DSCAML1: variants seen among roughly 807,000 people sequenced by gnomAD.
The protein encoded by DSCAML1 is DS cell adhesion molecule like 1, also known as cell adhesion molecule DSCAML1.
DSCAML1 carries 38 observed loss-of-function variants against 200.5 expected under a neutral mutation model. The ratio of observed to expected loss-of-function variants is 0.19; its 90% CI spans 0.15 to 0.25. The LOEUF is 0.25. Among genes scored for constraint, DSCAML1 ranks in the 10% least tolerant of loss-of-function variants. The probability of loss-of-function intolerance (pLI) is 1.00; values close to 1 mark genes in which losing one functional copy is unlikely to be tolerated. For missense variants in DSCAML1, 2,223 were observed against 2,858.8 expected (o/e 0.78, Z 5.07); for synonymous variants, 1,215 against 1,165.0 (o/e 1.04, Z -0.87).
chr11:117,439,963 C>T (rs1371647635), intron 21 of DSCAML1, 27 bp from the exon 22 acceptor site: 1 of 1,584,884 alleles, frequency 6.3e-7, no homozygotes, highest in Non-Finnish European at 8.7e-7. Context: ...ATGAGGGCCA[C>T]TCCACTTCTA....
At chr11:117,779,199 G>C (rs1160379271) in intron 2 of DSCAML1, among the ~76,000 whole-genome samples, 4 of 152,120 alleles carry the variant, frequency 2.6e-5, no homozygotes, top group Non-Finnish European at 5.9e-5. Flanking sequence ...AGTGGGCTGG[G>C]TCTTTAAGTT....
rs1335563739 is a variant in DSCAML1 at position 117,432,507 on chromosome 11, G to A, written c.5027-3C>T. On this transcript the variant is annotated splice_region_variant and splice_polypyrimidine_tract_variant and intron_variant, in intron 29 of 32. Coordinates refer to ENST00000651296, the MANE Select transcript of DSCAML1 (RefSeq NM_020693.4). ...AGGGATGGTGGCCTTGTCATCTCCT[G>A]GGGAAAGAAGGACAATTACTGGGAG... The A allele has an allele frequency of 2.5e-6, 4 of 1,612,610 alleles. No individual in the cohort carries two copies. Among genetic ancestry groups the A allele is most frequent in the Non-Finnish European group, 2.5e-6 (3 of 1,179,606 alleles).
At chr11:117,585,642 G>A (rs1023652884) in intron 3 of DSCAML1, among the ~76,000 whole-genome samples, 11 of 152,296 alleles carry the variant, frequency 7.2e-5, no homozygotes, top group Middle Eastern at 3.4e-3. Context: ...ATGCCATCAG[G>A]ACGATGGGGG....
chr11:117,474,130 A>C (rs1442487448), intron 14 of DSCAML1, among the ~76,000 whole-genome samples: 1 of 152,170 alleles, frequency 6.6e-6, no homozygotes, highest in African/African-American at 2.4e-5. Context: ...AGCGTTGGGC[A>C]ATTTAAATGC....
intron 3 of DSCAML1, among the ~76,000 whole-genome samples, chr11:117,767,915 C>T (rs1006243294): frequency 6.6e-6 from 1 of 152,096 alleles, no homozygotes; most frequent in African/African-American, 2.4e-5. Flanking sequence ...AGGTGCCTGC[C>T]GCGGGACCCT....
At chr11:117,749,483 A>C (rs1297788463) in intron 3 of DSCAML1, among the ~76,000 whole-genome samples, 1 of 152,200 alleles carries the variant, frequency 6.6e-6, no homozygotes, top group Admixed American at 6.5e-5. Flanking sequence ...GTCTGTTAGC[A>C]CAGAGATCTC....
chr11:117,435,230 G>T (rs2047889326), intron 27 of DSCAML1, among the ~76,000 whole-genome samples: 1 of 152,228 alleles, frequency 6.6e-6, no homozygotes, highest in South Asian at 2.1e-4. Flanking sequence ...TTAGAACTGA[G>T]CATTGTCCTA....
At position 117,435,582 on chromosome 11, in the gene DSCAML1, G is replaced by T. The variant is rs749439112; in HGVS notation, c.4876+62C>A. The T allele has an allele frequency of 3.3e-6, 5 of 1,526,806 alleles. No individual in the cohort carries two copies. In the African/African-American group the frequency reaches 4.1e-5, roughly 13 times the overall value. The allele number at this position is 1,526,806 out of a possible 1,614,324, so 94.6% of individuals were successfully genotyped here. A position where few individuals can be genotyped will look rare whatever the true frequency, so the allele number is the denominator to read the frequency against. On this transcript the variant is annotated intron_variant, in intron 27 of 32. Transcript: ENST00000651296. The stretch of plus-strand genomic sequence containing the variant: ...GATGGTGCTGTGAGCCAGGGAAGGG[G>T]GGGGACAATGTGGCTGAGAGCCAAC...
At chr11:117,694,766 C>T (rs189718119) in intron 3 of DSCAML1, among the ~76,000 whole-genome samples, 34 of 152,326 alleles carry the variant, frequency 2.2e-4, no homozygotes, top group African/African-American at 7.2e-4. Flanking sequence ...AGGAAAGCAT[C>T]GTGGAACAGA....
chr11:117,511,553 C>T (rs1344618219), intron 8 of DSCAML1, among the ~76,000 whole-genome samples: 1 of 152,298 alleles, frequency 6.6e-6, no homozygotes, highest in East Asian at 1.9e-4. Flanking sequence ...CCAAGGATTT[C>T]TCCGGATGAC....
intron 3 of DSCAML1, among the ~76,000 whole-genome samples, chr11:117,583,715 G>A (rs980586353): frequency 3.3e-5 from 5 of 152,148 alleles, no homozygotes; most frequent in Admixed American, 6.5e-5. Context: ...CTCCATCCCC[G>A]CCTAGCTTTG....
At chr11:117,627,602 GCT>G (rs1251249451) in intron 3 of DSCAML1, among the ~76,000 whole-genome samples, 1 of 152,092 alleles carries the variant, frequency 6.6e-6, no homozygotes, top group Non-Finnish European at 1.5e-5. Context: ...GCTGCCCGTG[GCT>G]TGGTTCAGCT....
At chr11:117,809,829 A>G (rs2055741672) in intron 1 of DSCAML1, among the ~76,000 whole-genome samples, 1 of 151,980 alleles carries the variant, frequency 6.6e-6, no homozygotes. Flanking sequence ...CAACACACAC[A>G]AACTCACACA....
chr11:117,701,837 G>A (rs888318202), intron 3 of DSCAML1, among the ~76,000 whole-genome samples: 2 of 152,174 alleles, frequency 1.3e-5, no homozygotes, highest in Non-Finnish European at 2.9e-5. Context: ...ACGTCCTGGG[G>A]ATGTCATCCC....
chr11:117,503,849 G>T lies in DSCAML1; in HGVS notation c.2355C>A (p.Val785=), dbSNP rs1565745907. ...GCGTGTGGGGACAGGACTCACTCTT[G>T]ACTGTGAGGAACATGGACTTGCTGA... ...TDISKSMFLT[V]KIPAMITSHP... Residue 785 remains valine, a synonymous_variant, in exon 11 of 33, where the codon GTC becomes GTA. Transcript: ENST00000651296. The surrounding 1 kb of genome is among the most constrained non-coding windows in gnomAD (Gnocchi z 5.2). 1 of 1,613,830 alleles carries T rather than the reference G, an allele frequency of 6.2e-7. No individual in the cohort carries two copies.
intron 3 of DSCAML1, among the ~76,000 whole-genome samples, chr11:117,747,670 G>A (rs2054540207): frequency 6.6e-6 from 1 of 152,198 alleles, no homozygotes. Context: ...ACCTGAGTCA[G>A]GGACCTTGCA....
At chr11:117,792,869 A>C (rs1036389130) in intron 1 of DSCAML1, among the ~76,000 whole-genome samples, 3 of 152,082 alleles carry the variant, frequency 2.0e-5, no homozygotes, top group African/African-American at 4.8e-5. Context: ...ATCCTACCCC[A>C]ATATCCCCAG....
At chr11:117,598,533 T>C (rs1204773778) in intron 3 of DSCAML1, among the ~76,000 whole-genome samples, 1 of 152,184 alleles carries the variant, frequency 6.6e-6, no homozygotes, top group South Asian at 2.1e-4. Flanking sequence ...TGGGTTGAAA[T>C]TGGTCTGGGG....
intron 3 of DSCAML1, among the ~76,000 whole-genome samples, chr11:117,585,823 G>A (rs1054677818): frequency 1.1e-4 from 16 of 152,180 alleles, no homozygotes; most frequent in Non-Finnish European, 2.9e-5. Context: ...CTGAAATGTC[G>A]TGGAGAACTT....
Sources: gnomAD v4.1 joint callset for allele counts (sites outside exome capture counted in the v4.1 genomes callset) on GRCh38, gnomAD v4.1.1 for gene constraint, Gnocchi (gnomAD v3.1) non-coding constraint, MANE v1.5 for transcripts, NCBI Gene and HGNC (gene_info 2026-07-23, HGNC 2026-07-21) for gene names.